The following FRMD3 variants were observed in gnomAD, a reference collection of about 807,000 sequenced individuals.
The protein encoded by FRMD3 is FERM domain-containing protein 3.
In FRMD3, 33 loss-of-function variants were observed where a neutral mutation model predicts 70.2. The observed-to-expected ratio is 0.47, with a 90% CI of 0.36 to 0.63. The LOEUF is 0.63. Among genes scored for constraint, FRMD3 ranks in the 20% least tolerant of loss-of-function variants. The pLI is 0.00. For missense variants in FRMD3, 632 were observed against 711.4 expected (o/e 0.89, Z 1.27); for synonymous variants, 279 against 255.9 (o/e 1.09, Z -0.86).
intron 1 of FRMD3, among the ~76,000 whole-genome samples, chr9:83,510,650 C>A (rs77135520): frequency 6.6e-6 from 1 of 152,152 alleles, no homozygotes; most frequent in Admixed American, 6.5e-5. Context: ...CAACTAACTG[C>A]GGTACGTCCA....
At chr9:83,567,066 A>C in the FRMD3 span, among the ~76,000 whole-genome samples, 3 of 152,230 alleles carry the variant, frequency 2.0e-5, no homozygotes, top group African/African-American at 4.8e-5. Context: ...CCCCTGCAGC[A>C]AACTTTTGCC....
chr9:83,267,361 C>T (rs755813095), intron 13 of FRMD3: 7 of 1,339,590 alleles, frequency 5.2e-6, no homozygotes, highest in Non-Finnish European at 6.8e-6. Flanking sequence ...CTCTAACAAA[C>T]AATGAAAGAT....
chr9:83,572,022 A>G, the FRMD3 span, among the ~76,000 whole-genome samples: 6 of 152,202 alleles, frequency 3.9e-5, no homozygotes, highest in South Asian at 2.1e-4. Context: ...TATTTCTTAC[A>G]AGCTCCCAGA....
intron 13 of FRMD3, among the ~76,000 whole-genome samples, chr9:83,253,830 G>GCACT (rs1255701973): frequency 6.6e-6 from 1 of 152,084 alleles, no homozygotes; most frequent in East Asian, 1.9e-4. Flanking sequence ...GTTTATTGTG[G>GCACT]CACTATTCAC....
chr9:83,376,138 C>A (rs1376151576), intron 2 of FRMD3, among the ~76,000 whole-genome samples: 1 of 147,590 alleles, frequency 6.8e-6, no homozygotes, highest in African/African-American at 2.5e-5. Flanking sequence ...CCAGCCTGGG[C>A]CACAAGAGCA....
At chr9:83,330,975 C>A (rs1836235203) in intron 6 of FRMD3, among the ~76,000 whole-genome samples, 1 of 152,190 alleles carries the variant, frequency 6.6e-6, no homozygotes, top group Non-Finnish European at 1.5e-5. Context: ...GGATGTGGAG[C>A]AACAGGAACT....
chr9:83,410,049 C>A (rs527426129), intron 1 of FRMD3, among the ~76,000 whole-genome samples: 1 of 152,316 alleles, frequency 6.6e-6, no homozygotes, highest in Admixed American at 6.5e-5. Context: ...AGACAAGGGG[C>A]AAAATCATCC....
chr9:83,564,610 A>AATG, the FRMD3 span, among the ~76,000 whole-genome samples: 1 of 152,168 alleles, frequency 6.6e-6, no homozygotes, highest in Admixed American at 6.5e-5. Flanking sequence ...GGTCTGCTTC[A>AATG]ATGATCCAAA....
intron 6 of FRMD3, among the ~76,000 whole-genome samples, chr9:83,333,637 G>T (rs769166800): frequency 6.6e-6 from 1 of 151,998 alleles, no homozygotes; most frequent in African/African-American, 2.4e-5. Flanking sequence ...CCCGTTTCTT[G>T]TCTGAATACC....
chr9:83,302,972 C>T (rs927732062), intron 10 of FRMD3, among the ~76,000 whole-genome samples: 1 of 152,140 alleles, frequency 6.6e-6, no homozygotes, highest in Non-Finnish European at 1.5e-5. Context: ...AAACATCTGA[C>T]CTCACAAAGA....
chr9:83,272,234 C>G (rs1248379632), intron 13 of FRMD3, among the ~76,000 whole-genome samples: 2 of 151,998 alleles, frequency 1.3e-5, no homozygotes, highest in Admixed American at 6.5e-5. Flanking sequence ...CTGCCCAGTG[C>G]CTGGGATTGC....
intron 3 of FRMD3, among the ~76,000 whole-genome samples, chr9:83,357,181 T>C (rs1198252125): frequency 5.2e-5 from 7 of 134,632 alleles, no homozygotes; most frequent in Non-Finnish European, 7.9e-5. Context: ...TATATTACAT[T>C]ATATATATTA....
intron 10 of FRMD3, among the ~76,000 whole-genome samples, chr9:83,303,211 A>T (rs1440027124): frequency 6.6e-6 from 1 of 152,224 alleles, no homozygotes; most frequent in Non-Finnish European, 1.5e-5. Flanking sequence ...TGAGCCTTTA[A>T]TATGGGCAAT....
chr9:83,525,804 A>G (rs1331103266), intron 1 of FRMD3, among the ~76,000 whole-genome samples: 1 of 152,196 alleles, frequency 6.6e-6, no homozygotes, highest in Admixed American at 6.5e-5. Flanking sequence ...TTCAGGTGAG[A>G]GTTGCCTAAC....
chr9:83,520,004 A>G (rs976213206), intron 1 of FRMD3, among the ~76,000 whole-genome samples: 20 of 152,098 alleles, frequency 1.3e-4, no homozygotes, highest in Non-Finnish European at 2.9e-5. Flanking sequence ...GGGATGGGGG[A>G]AAAGGGGAAG....
At chr9:83,489,994 G>A (rs1587466003) in intron 1 of FRMD3, among the ~76,000 whole-genome samples, 1 of 152,196 alleles carries the variant, frequency 6.6e-6, no homozygotes, top group African/African-American at 2.4e-5. Context: ...AATGTGATGT[G>A]TGTTTCCTGC....
intron 5 of FRMD3, among the ~76,000 whole-genome samples, chr9:83,337,378 A>G (rs779953656): frequency 3.3e-5 from 5 of 152,182 alleles, no homozygotes; most frequent in Non-Finnish European, 5.9e-5. Context: ...GCACCTCCAG[A>G]GGATCTTCAA....
At chr9:83,428,168 G>C (rs555158315) in intron 1 of FRMD3, among the ~76,000 whole-genome samples, 1 of 152,234 alleles carries the variant, frequency 6.6e-6, no homozygotes, top group South Asian at 2.1e-4. Context: ...CCTGAGGTCA[G>C]GAGTTCAAGA....
At chr9:83,313,809 C>T (rs1835457848) in intron 6 of FRMD3, 62 bp from the exon 7 acceptor site, 2 of 1,220,442 alleles carry the variant, frequency 1.6e-6, no homozygotes, top group East Asian at 4.7e-5. Context: ...CTCGGAATCC[C>T]TTCATTCAAT....
Sources: gnomAD v4.1 joint callset for allele counts (sites outside exome capture counted in the v4.1 genomes callset) on GRCh38, gnomAD v4.1.1 for gene constraint, MANE v1.5 for transcripts, NCBI Gene and HGNC (gene_info 2026-07-23, HGNC 2026-07-21) for gene names.